The following NAA16 variants were observed in gnomAD, a reference collection of about 807,000 sequenced individuals.
NAA16 encodes NARG1-like protein.
In NAA16, 97 loss-of-function variants were observed where a neutral mutation model predicts 110.3. The observed-to-expected ratio is 0.88, with a 90% CI of 0.75 to 1.04. The LOEUF (loss-of-function observed/expected upper bound fraction) is 1.04. Among genes scored for constraint, NAA16 ranks in the 50% least tolerant of loss-of-function variants. The pLI, the probability that NAA16 is intolerant of heterozygous loss-of-function variation, is 0.00. For synonymous variants in NAA16, 372 were observed against 330.6 expected, an observed-to-expected ratio of 1.13 and a Z score of -1.36; for missense variants, 1,017 against 1,005.1, an observed-to-expected ratio of 1.01 and a Z score of -0.16.
intron 5 of NAA16, among the ~76,000 whole-genome samples, chr13:41,323,710 C>T (rs1435726975): frequency 6.6e-6 from 1 of 151,572 alleles, no homozygotes; most frequent in Non-Finnish European, 1.5e-5. Context: ...GTCTCGAACT[C>T]CTGGGCTCAA....
chr13:41,324,061 T>G (rs1438379967), intron 5 of NAA16, among the ~76,000 whole-genome samples: 3 of 152,220 alleles, frequency 2.0e-5, no homozygotes, highest in Non-Finnish European at 2.9e-5. Context: ...TCTAGAAATT[T>G]GTTGAAATCT....
intron 7 of NAA16, among the ~76,000 whole-genome samples, chr13:41,329,582 T>C (rs191590713): frequency 8.6e-4 from 131 of 151,778 alleles, no homozygotes; most frequent in Non-Finnish European, 1.6e-3. Flanking sequence ...TCATTTATAG[T>C]AGTATAAGCT....
chr13:41,315,379 C>T (rs1052125298), intron 1 of NAA16, among the ~76,000 whole-genome samples: 6 of 152,140 alleles, frequency 3.9e-5, no homozygotes, highest in Non-Finnish European at 5.9e-5. Flanking sequence ...TTCTTCGCAT[C>T]AGTGGCTGCC....
chr13:41,356,061 A>G (rs2139486480), intron 10 of NAA16, among the ~76,000 whole-genome samples: 1 of 152,296 alleles, frequency 6.6e-6, no homozygotes, highest in South Asian at 2.1e-4. Flanking sequence ...GTGTTGCGCA[A>G]GCTGAACTTC....
chr13:41,354,254 AG>A (rs2042921618), intron 9 of NAA16, among the ~76,000 whole-genome samples: 1 of 152,224 alleles, frequency 6.6e-6, no homozygotes, highest in Admixed American at 6.5e-5. Context: ...TAGGATGATC[AG>A]TGGTTTCATG....
At chr13:41,321,268 G>C (rs1213990643) in intron 4 of NAA16, among the ~76,000 whole-genome samples, 1 of 152,196 alleles carries the variant, frequency 6.6e-6, no homozygotes, top group Non-Finnish European at 1.5e-5. Flanking sequence ...CTGCACTCCA[G>C]CCTGGGCAAG....
At position 41,325,708 on chromosome 13, in the gene NAA16, A is replaced by G. The variant is rs761765263; in HGVS notation, c.548A>G (p.Asn183Ser). 1 of 1,575,278 alleles carries G rather than the reference A, an allele frequency of 6.3e-7. No individual in the cohort carries two copies. The highest frequency in any genetic ancestry group is 8.6e-7 in the Non-Finnish European group (1 of 1,159,286). ...GTCATTTTTTTTCAGGTTCCTCCAA[A>G]CAAAATAGATTATGAATATAGTGAA... ...EFRQTQQVPPNKIDYEYSELI... is the reference protein window; with the variant it reads ...EFRQTQQVPPSKIDYEYSELI... Residue 183 changes from asparagine (N) to serine (S), a missense_variant, in exon 6 of 20, where the codon AAC (asparagine) becomes AGC (serine). Coordinates refer to ENST00000379406, the MANE Select transcript of NAA16 (RefSeq NM_024561.5).
chr13:41,356,581 C>T (rs1310621592), intron 10 of NAA16, among the ~76,000 whole-genome samples: 1 of 152,132 alleles, frequency 6.6e-6, no homozygotes, highest in African/African-American at 2.4e-5. Context: ...TTCACATTTC[C>T]CCCATTATCC....
rs114449314 is a variant in NAA16 at position 41,373,831 on chromosome 13, G to A, written c.2299+51G>A. On this transcript the variant is annotated intron_variant, in intron 18 of 19. Coordinates refer to ENST00000379406, the MANE Select transcript of NAA16 (RefSeq NM_024561.5). ...AATACTTATGGAAAAAGCGAACAAAGAGAAAGCTTTGACACCCCCAAAATG... is the reference window on the plus strand; with the variant it reads ...AATACTTATGGAAAAAGCGAACAAAAAGAAAGCTTTGACACCCCCAAAATG... 5.3e-5 allele frequency: 82 copies of A among 1,536,418 alleles called. No individual in the cohort carries two copies. In the African/African-American group the frequency reaches 1.1e-3, roughly 20 times the overall value.
At chr13:41,328,596 G>T in intron 6 of NAA16, 128 bp from the exon 7 acceptor site, 4 of 718,524 alleles carry the variant, frequency 5.6e-6, no homozygotes, top group Non-Finnish European at 8.9e-6. Flanking sequence ...ACTGCAACAT[G>T]CCCAAAGGGG....
chr13:41,317,083 C>T (rs2041829438), intron 2 of NAA16, among the ~76,000 whole-genome samples, 153 bp downstream of exon 2: 2 of 151,902 alleles, frequency 1.3e-5, no homozygotes, highest in South Asian at 4.2e-4. Flanking sequence ...TTATATGAGT[C>T]TTCTAGATTA....
At chr13:41,375,091 G>C (rs2043402726) in intron 19 of NAA16, among the ~76,000 whole-genome samples, 1 of 152,206 alleles carries the variant, frequency 6.6e-6, no homozygotes, top group Non-Finnish European at 1.5e-5. Flanking sequence ...AAAACGTGAA[G>C]TCCTTAGTGC....
chr13:41,311,734 C>A, intron 1 of NAA16, 152 bp downstream of exon 1: 1 of 711,336 alleles, frequency 1.4e-6, no homozygotes, highest in Non-Finnish European at 2.3e-6. Flanking sequence ...CCCCACTTTC[C>A]CGCTCCGGCC....
chr13:41,312,174 C>T (rs2041625473), intron 1 of NAA16, among the ~76,000 whole-genome samples: 3 of 152,330 alleles, frequency 2.0e-5, no homozygotes, highest in East Asian at 3.9e-4. Flanking sequence ...ACCTTATTTA[C>T]CTCTTTGGAA....
chr13:41,340,582 A>G (rs1363126178), intron 9 of NAA16, among the ~76,000 whole-genome samples: 2 of 113,212 alleles, frequency 1.8e-5, no homozygotes, highest in African/African-American at 6.6e-5. Context: ...TCATTTTGTT[A>G]TTTACCCAGT....
chr13:41,343,609 C>T (rs1476967162), intron 9 of NAA16, among the ~76,000 whole-genome samples: 2 of 152,186 alleles, frequency 1.3e-5, no homozygotes, highest in South Asian at 2.1e-4. Flanking sequence ...CGGCTCACTG[C>T]AGCCTCCACC....
chr13:41,362,650 T>TTG, intron 13 of NAA16: 1 of 1,194,280 alleles, frequency 8.4e-7, no homozygotes, highest in Non-Finnish European at 1.1e-6. Context: ...TTAGGATTAT[T>TTG]TGTGTGATGT....
chr13:41,334,556 A>G (rs2042326930), intron 8 of NAA16, among the ~76,000 whole-genome samples: 1 of 152,192 alleles, frequency 6.6e-6, no homozygotes, highest in Non-Finnish European at 1.5e-5. Context: ...CATCATGCTA[A>G]TGTATCTAGA....
At position 41,375,567 on chromosome 13, in the gene NAA16, A is replaced by T; in HGVS notation, c.2560A>T (p.Thr854Ser). ...CAATCCTAATGTGGCACTGAACCAT[A>T]CAGCTAATTATGATGTCTTGGCAAA... is the stretch of plus-strand genomic sequence containing the variant. ...VDNPNVALNH[T>S]ANYDVLANEI The change falls in exon 20 of 20, where the codon ACA becomes TCA. Residue 854 changes from threonine (T) to serine (S), a missense_variant. Coordinates refer to ENST00000379406, the MANE Select transcript of NAA16 (RefSeq NM_024561.5). 6.2e-7 allele frequency: 1 copy of T among 1,613,886 alleles called. No homozygotes were observed.
Sources: allele counts gnomAD v4.1 joint callset (sites outside exome capture counted in the v4.1 genomes callset), GRCh38; gene constraint gnomAD v4.1.1; transcripts MANE v1.5; gene names NCBI Gene and HGNC (gene_info 2026-07-23, HGNC 2026-07-21).